Variants in LRRC71 observed in about 807,000 individuals in gnomAD.
The protein encoded by LRRC71 is leucine rich repeat containing 71.
LRRC71 carries 54 observed loss-of-function variants against 66.6 expected under a neutral mutation model. That is an observed-to-expected ratio of 0.81 (90% CI 0.65 to 1.02). The LOEUF (loss-of-function observed/expected upper bound fraction) is 1.02. Ranked by LOEUF, LRRC71 falls within the 50% of genes least tolerant of loss-of-function variation. LRRC71 has a pLI of 0.00. For synonymous variants in LRRC71, 323 were observed against 303.9 expected, an observed-to-expected ratio of 1.06 and a Z score of -0.65; for missense variants, 724 against 718.0, an observed-to-expected ratio of 1.01 and a Z score of -0.10.
intron 2 of LRRC71, 142 bp from the exon 3 acceptor site, chr1:156,924,282 C>T: frequency 1.5e-6 from 2 of 1,323,016 alleles, no homozygotes; most frequent in Non-Finnish European, 1.0e-6. Context: ...AGCAGAGGCG[C>T]GAGTGGCCGG....
Position 156,923,971 on chromosome 1 carries a change from C to T in LRRC71, c.183C>T (p.Val61=). 6.5e-7 allele frequency: 1 copy of T among 1,532,680 alleles called. No homozygotes were observed. The highest frequency in any genetic ancestry group is 8.8e-7 in the Non-Finnish European group (1 of 1,137,508). The allele number at this position is 1,532,680 out of a possible 1,614,324, so 94.9% of individuals were successfully genotyped here. The change falls in exon 2 of 15, where the codon GTC becomes GTT. Residue 61 remains valine (V), a synonymous_variant. Coordinates refer to ENST00000337428, the MANE Select transcript of LRRC71 (RefSeq NM_144702.3). ...KSPEEYQCSG[V]LETDFAELCT... is the part of the protein sequence containing the mutation. ...CAGAGGAGTACCAGTGCTCCGGGGT[C>T]CTCGAGACCGACTTCGCCGAGCTCT...
At chr1:156,937,082 C>A, downstream of LRRC71, 1 of 1,575,402 alleles carries the variant, frequency 6.3e-7, no homozygotes, top group Non-Finnish European at 8.6e-7. Flanking sequence ...CTGTGCTGGG[C>A]CTTGGGGAGG....
chr1:156,923,896 G>C (rs1652770225), intron 1 of LRRC71, 53 bp from the exon 2 acceptor site: 2 of 1,417,762 alleles, frequency 1.4e-6, no homozygotes. Context: ...GAGAGCTTGG[G>C]GATGCGGGGG....
intron 5 of LRRC71, 61 bp downstream of exon 5, chr1:156,925,076 G>A: frequency 2.0e-6 from 3 of 1,492,450 alleles, no homozygotes; most frequent in Non-Finnish European, 2.7e-6. Flanking sequence ...GGTCAGAGGG[G>A]AGCAGTGTGG....
chr1:156,924,733 G>A lies in LRRC71; in HGVS notation c.515+15G>A. On this transcript the variant is annotated intron_variant, in intron 4 of 14. Transcript: ENST00000337428. ...CAGGCCATCAAGTGAGAGGCACTGA[G>A]GGGATGGGCGGGGGACCAGAGTGGG... is the stretch of plus-strand genomic sequence containing the variant. 6 of 1,551,438 alleles carry A rather than the reference G, an allele frequency of 3.9e-6. No homozygotes were observed. The highest frequency in any genetic ancestry group is 5.2e-6 in the Non-Finnish European group (6 of 1,146,756).
At chr1:156,931,056 C>A (rs979969437) in intron 12 of LRRC71, among the ~76,000 whole-genome samples, 3 of 152,196 alleles carry the variant, frequency 2.0e-5, no homozygotes, top group African/African-American at 7.2e-5. Context: ...CATGGCACTG[C>A]CCCACGCTAC....
At chr1:156,927,095 G>A (rs933907708) in intron 5 of LRRC71, 107 bp from the exon 6 acceptor site, 5 of 931,128 alleles carry the variant, frequency 5.4e-6, no homozygotes, top group Non-Finnish European at 8.3e-6. Flanking sequence ...GCAATCCTTT[G>A]ACTCTACTTC....
Position 156,930,542 on chromosome 1 carries a change from T to G in LRRC71, c.1254T>G (p.Pro418=), listed in dbSNP as rs768854652. The change falls in exon 12 of 15, where the codon CCT becomes CCG. Residue 418 remains proline (P), a synonymous_variant. Transcript: ENST00000337428. ...TTCTGGCCCCAGAGGTAACCATCCC[T>G]GAACAGAAGCCAAGCAGGGCAAAAG... The part of the protein sequence containing the change: ...TKAGKGKVTI[P]EQKPSRAKGI... The G allele has an allele frequency of 2.6e-6, 4 of 1,564,338 alleles. No individual in the cohort carries two copies. In the African/African-American group the frequency reaches 4.1e-5, roughly 16 times the overall value.
At chr1:156,930,688 C>CCCAGCCCCTCCTGGAATGTGGTCT in intron 12 of LRRC71, 71 bp downstream of exon 12, 1 of 1,382,494 alleles carries the variant, frequency 7.2e-7, no homozygotes, top group Non-Finnish European at 1.0e-6. Flanking sequence ...GACGTCTCAC[C>CCCAGCCCCTCCTGGAATGTGGTCT]CCAGCCCCTC....
chr1:156,923,515 T>C (rs1311100024), intron 1 of LRRC71, among the ~76,000 whole-genome samples: 4 of 152,162 alleles, frequency 2.6e-5, no homozygotes, highest in Non-Finnish European at 5.9e-5. Context: ...GGTGTATGTG[T>C]AGGGAAGGAG....
In LRRC71 at chr1:156,924,496, T is replaced by C. The variant is rs925653725; in HGVS notation, c.383T>C (p.Ile128Thr). 1 of 1,551,204 alleles carries C rather than the reference T, an allele frequency of 6.4e-7. No homozygotes were observed. Among genetic ancestry groups the C allele is most frequent in the South Asian group, 1.2e-5 (1 of 84,054 alleles). The change falls in exon 3 of 15, where the codon ATC becomes ACC. Residue 128 changes from isoleucine to threonine, a missense_variant. By Grantham distance (89) the Ile-to-Thr change is moderately conservative. Transcript: ENST00000337428. Reference sequence around the variant, plus strand: ...AAATACGTGTTCTTCCGGCCCACCATCCAGGTGGAGCTGGAGCAGGAGGAC... The same window carrying C: ...AAATACGTGTTCTTCCGGCCCACCACCCAGGTGGAGCTGGAGCAGGAGGAC... ...ESKYVFFRPTIQVELEQEDSK... is the reference protein window; with the variant it reads ...ESKYVFFRPTTQVELEQEDSK...
At chr1:156,931,471 T>C (rs1654359263) in intron 12 of LRRC71, among the ~76,000 whole-genome samples, 1 of 152,218 alleles carries the variant, frequency 6.6e-6, no homozygotes, top group South Asian at 2.1e-4. Context: ...ATGCCGTCAT[T>C]GTTACTTCCC....
downstream of LRRC71, among the ~76,000 whole-genome samples, chr1:156,934,588 T>C (rs930259321): frequency 6.6e-6 from 1 of 152,120 alleles, no homozygotes; most frequent in Non-Finnish European, 1.5e-5. Flanking sequence ...TGTATCTATA[T>C]ATATATCTGT....
intron 9 of LRRC71, among the ~76,000 whole-genome samples, chr1:156,928,521 T>TTCC (rs199566361): frequency 0.017 from 2,450 of 145,128 alleles, 42 homozygotes; most frequent in South Asian, 0.048. Context: ...CCTCTTCCTC[T>TTCC]TCCTCTTCTT....
At position 156,928,322 on chromosome 1, in the gene LRRC71, CTTCT is replaced by C. The variant is rs138835948; in HGVS notation, c.996+325_996+328del. On this transcript the variant is annotated intron_variant, in intron 9 of 14. Transcript: ENST00000337428. ...GCATGTTACTAAACAACTTCTTCTT[CTTCT>C]TTCTTTTTTCTTTCTTCTTTCTTTC... 6.0e-3 allele frequency among the ~76,000 whole-genome samples: 857 copies of C among 142,996 alleles called. 26 individuals carry two copies. In the East Asian group the frequency reaches 0.1, roughly 17 times the overall value. The allele number at this position is 142,996 out of a possible 152,430, so 93.8% of individuals were successfully genotyped here. A position where few individuals can be genotyped will look rare whatever the true frequency, so the allele number is the denominator to read the frequency against.
At chr1:156,937,758 C>A (rs3765790), downstream of LRRC71, among the ~76,000 whole-genome samples, 26,865 of 152,212 alleles carry the variant, frequency 0.18, 2,412 homozygotes, top group East Asian at 0.32. Context: ...AGTGGCAGAG[C>A]TGCAGTGTTT....
intron 5 of LRRC71, among the ~76,000 whole-genome samples, chr1:156,925,416 T>G (rs1467903481): frequency 1.3e-5 from 2 of 152,046 alleles, no homozygotes; most frequent in Non-Finnish European, 2.9e-5. Context: ...GACACAAGAA[T>G]AAATACTGCA....
chr1:156,936,416 C>A (rs1047957010), downstream of LRRC71, among the ~76,000 whole-genome samples: 22 of 145,036 alleles, frequency 1.5e-4, no homozygotes, highest in Non-Finnish European at 1.5e-5. Context: ...TGGATCACTT[C>A]GGCCCAGGAG....
chr1:156,924,714 A>G lies in LRRC71; in HGVS notation c.511A>G (p.Ile171Val), dbSNP rs1029122855. The G allele has an allele frequency of 6.4e-7, 1 of 1,551,660 alleles. No individual in the cohort carries two copies. The change falls in exon 4 of 15, where the codon ATC becomes GTC. Residue 171 changes from isoleucine to valine, a missense_variant. By Grantham distance (29) the Ile-to-Val change is conservative. Coordinates refer to ENST00000337428, the MANE Select transcript of LRRC71 (RefSeq NM_144702.3). ...CLPPLTQLQAINLWKVGLTDK... is the reference protein window; with the variant it reads ...CLPPLTQLQAVNLWKVGLTDK... The stretch of plus-strand genomic sequence containing the variant: ...GCCCCCGCTTACCCAGCTACAGGCC[A>G]TCAAGTGAGAGGCACTGAGGGGATG...
Sources: allele counts gnomAD v4.1 joint callset (sites outside exome capture counted in the v4.1 genomes callset), GRCh38; gene constraint gnomAD v4.1.1; transcripts MANE v1.5; gene names NCBI Gene and HGNC (gene_info 2026-07-23, HGNC 2026-07-21).